ATP5PD: variants seen among roughly 807,000 people sequenced by gnomAD.
ATP5PD encodes ATP synthase peripheral stalk subunit d, mitochondrial.
Under a neutral mutation model 22.6 loss-of-function variants are expected in ATP5PD, and 13 were observed. The ratio of observed to expected loss-of-function variants is 0.58; its 90% CI spans 0.37 to 0.91. The LOEUF (loss-of-function observed/expected upper bound fraction) is 0.91. ATP5PD is among the 40% of genes least tolerant of loss of function. The pLI is 0.00. For missense variants in ATP5PD, 165 were observed against 188.0 expected (o/e 0.88, Z 0.72); for synonymous variants, 51 against 65.0 (o/e 0.79, Z 1.03).
chr17:75,042,993 G>A (rs893947399), intron 1 of ATP5PD, among the ~76,000 whole-genome samples: 1 of 152,140 alleles, frequency 6.6e-6, no homozygotes, highest in African/African-American at 2.4e-5. Flanking sequence ...AGGCCAAGAC[G>A]GTTGGATCAC....
rs893067183 is a variant in ATP5PD at position 75,043,919 on chromosome 17, TAC to T, written c.-9-1262_-9-1261del. 9.9e-5 allele frequency among the ~76,000 whole-genome samples: 15 copies of T among 152,190 alleles called. 1 individual carries two copies. In the Middle Eastern group the frequency reaches 0.014, roughly 139 times the overall value. On this transcript the variant is annotated intron_variant, in intron 1 of 5. Transcript: ENST00000301587. Reference sequence around the variant, plus strand: ...TGCACAGCAACTTGCTCCAGAGTTTTACAAACTTAAAAGGGCTATCCCCTTCC... The same window carrying T: ...TGCACAGCAACTTGCTCCAGAGTTTTAAACTTAAAAGGGCTATCCCCTTCC...
chr17:75,044,199 ATTTTT>A (rs755560156), intron 1 of ATP5PD, among the ~76,000 whole-genome samples: 2 of 94,694 alleles, frequency 2.1e-5, no homozygotes. Flanking sequence ...TAATTTTTGT[ATTTTT>A]TTTTTTTTTT....
chr17:75,045,949 T>C (rs973202640), intron 1 of ATP5PD, among the ~76,000 whole-genome samples: 1 of 152,208 alleles, frequency 6.6e-6, no homozygotes, highest in Non-Finnish European at 1.5e-5. Flanking sequence ...TACAAAAGTA[T>C]TAATTTGGGG....
In ATP5PD at chr17:75,040,249, CA is replaced by C; in HGVS notation, c.220-87del. The C allele has an allele frequency of 2.6e-6, 4 of 1,524,064 alleles. No homozygotes were observed. In the South Asian group the frequency reaches 4.5e-5, roughly 17 times the overall value. The allele number at this position is 1,524,064 out of a possible 1,614,324, so 94.4% of individuals were successfully genotyped here. A position where few individuals can be genotyped will look rare whatever the true frequency, so the allele number is the denominator to read the frequency against. ...GTCGTCGCCAATACACCCAGGAGCT[CA>C]AAGGGCTGGAAGCTACGAATCCTTA... On this transcript the variant is annotated intron_variant, in intron 3 of 5. Transcript: ENST00000301587.
chr17:75,045,385 G>A lies in ATP5PD; in HGVS notation c.-10+1540C>T, dbSNP rs181437394. On this transcript the variant is annotated intron_variant, in intron 1 of 5. Transcript: ENST00000301587. ...AGGAGACAGGGTTTTCAGATCAACC[G>A]GTCTGACCAAAATTTATTAGGTGGG... Among the ~76,000 whole-genome samples the A allele has an allele frequency of 3.7e-4, 57 of 152,254 alleles. 1 individual carries two copies. The highest frequency in any genetic ancestry group is 1.2e-3 in the African/African-American group (49 of 41,542).
chr17:75,041,477 T>G (rs1276429995), intron 3 of ATP5PD: 3 of 148,532 alleles, frequency 2.0e-5, no homozygotes, highest in Admixed American at 6.7e-5. Context: ...AACGAAAATT[T>G]ATCAGGTGTG....
At chr17:75,039,330 G>T in intron 4 of ATP5PD, 59 bp from the exon 5 acceptor site, 1 of 1,502,606 alleles carries the variant, frequency 6.7e-7, no homozygotes, top group Non-Finnish European at 9.2e-7. Context: ...CCCAGCAGCT[G>T]CTAAGGTAGG....
intron 4 of ATP5PD, 29 bp from the exon 5 acceptor site, chr17:75,039,300 G>A: frequency 6.2e-7 from 1 of 1,607,356 alleles, no homozygotes; most frequent in African/African-American, 1.3e-5. Context: ...ATTCAGTTCT[G>A]AAACCAGGCT....
intron 1 of ATP5PD, among the ~76,000 whole-genome samples, chr17:75,045,583 C>G (rs770720014): frequency 6.6e-6 from 1 of 152,210 alleles, no homozygotes; most frequent in Non-Finnish European, 1.5e-5. Flanking sequence ...AAGAATTCAG[C>G]GATATTTCTC....
chr17:75,039,104 A>G, intron 5 of ATP5PD, 41 bp from the exon 6 acceptor site: 3 of 1,612,580 alleles, frequency 1.9e-6, no homozygotes, highest in Non-Finnish European at 2.5e-6. Flanking sequence ...GTAAACAGAG[A>G]CGGAAAGCAG....
intron 3 of ATP5PD, 134 bp downstream of exon 3, chr17:75,042,047 C>G (rs2073166762): frequency 1.4e-6 from 1 of 702,866 alleles, no homozygotes; most frequent in Non-Finnish European, 2.4e-6. Flanking sequence ...GACCACAAGG[C>G]CTTTGGCCAT....
rs1423040676 is a variant in ATP5PD, at chr17:75,042,641, G to A, written c.10C>T (p.Arg4Ter). The part of the protein sequence containing the change: MAG[R>*]KLALKTIDWV... ...TCAATGGTTTTTAGAGCAAGTTTTC[G>A]CCCAGCCATTTTGGGATCCTGAAAA... Residue 4 changes from arginine (R) to a stop codon, truncating the protein, a stop_gained, in exon 2 of 6, where the codon CGA becomes TGA. Coordinates refer to ENST00000301587, the MANE Select transcript of ATP5PD (RefSeq NM_006356.3). LOFTEE classifies it high-confidence loss of function. 7 of 1,605,976 alleles carry A rather than the reference G, an allele frequency of 4.4e-6. No homozygotes were observed. Among genetic ancestry groups the A allele is most frequent in the East Asian group, 4.5e-5 (2 of 44,830 alleles).
chr17:75,040,438 T>G (rs1471916019), intron 3 of ATP5PD: 7 of 435,776 alleles, frequency 1.6e-5, no homozygotes, highest in Non-Finnish European at 2.5e-5. Flanking sequence ...AAGCTTCATT[T>G]TCTTCATCTG....
intron 3 of ATP5PD, chr17:75,041,933 AAAC>A: frequency 2.7e-6 from 1 of 375,988 alleles, no homozygotes. Flanking sequence ...GAGCAGGTCA[AAAC>A]TCCTGTGCTG....
chr17:75,040,122 A>G lies in ATP5PD; in HGVS notation c.261T>C (p.Thr87=). ...LKVPVPEDKY[T]AQVDAEEKED... is the part of the protein sequence containing the mutation. ...CTTTTTCTTCGGCATCCACCTGGGC[A>G]GTATATTTATCCTCTGGCACGGGAA... Residue 87 remains threonine, a synonymous_variant, in exon 4 of 6, where the codon ACT becomes ACC. Coordinates refer to ENST00000301587, the MANE Select transcript of ATP5PD (RefSeq NM_006356.3). The G allele has an allele frequency of 1.2e-6, 2 of 1,613,176 alleles. No homozygotes were observed. The highest frequency in any genetic ancestry group is 1.7e-6 in the Non-Finnish European group (2 of 1,180,016).
chr17:75,043,662 C>T (rs960647897), intron 1 of ATP5PD, among the ~76,000 whole-genome samples: 1 of 151,402 alleles, frequency 6.6e-6, no homozygotes, highest in Non-Finnish European at 1.5e-5. Context: ...CTCCATGTGC[C>T]TCTGGAAAAA....
rs557486463 is a variant in ATP5PD at position 75,039,145 on chromosome 17, G to A, written c.354+64C>T. 2.5e-6 allele frequency: 4 copies of A among 1,611,566 alleles called. No homozygotes were observed. In the Admixed American group the frequency reaches 5.0e-5, roughly 20 times the overall value. ...CCAAGGCAGGTTCCTGCCACCAGGT[G>A]AAAGATGTGTGGTCATGAAAGAGAG... is the stretch of plus-strand genomic sequence containing the variant. On this transcript the variant is annotated intron_variant, in intron 5 of 5. Transcript: ENST00000301587.
In ATP5PD at chr17:75,042,593, T is replaced by C. The variant is rs558986152; in HGVS notation, c.58A>G (p.Ile20Val). 78 of 1,613,240 alleles carry C rather than the reference T, an allele frequency of 4.8e-5. No individual in the cohort carries two copies. The East Asian group carries it at 6.9e-4, about 14-fold the overall frequency. The change falls in exon 2 of 6, where the codon ATA becomes GTA. Residue 20 changes from isoleucine (I) to valine (V), a missense_variant. Coordinates refer to ENST00000301587, the MANE Select transcript of ATP5PD (RefSeq NM_006356.3). Reference protein sequence around the residue: ...TIDWVAFAEIIPQNQKAIASS... With the variant: ...TIDWVAFAEIVPQNQKAIASS... ...GCAATGGCCTTTTGGTTCTGGGGTA[T>C]GATCTCTGCAAAAGCTACCCAGTCA...
At chr17:75,046,384 ATTTT>A (rs932125550) in intron 1 of ATP5PD, among the ~76,000 whole-genome samples, 1 of 152,076 alleles carries the variant, frequency 6.6e-6, no homozygotes, top group African/African-American at 2.4e-5. Context: ...GCCCGGCGAA[ATTTT>A]TTTTAATTCT....
Sources: allele counts gnomAD v4.1 joint callset (sites outside exome capture counted in the v4.1 genomes callset), GRCh38; gene constraint gnomAD v4.1.1; transcripts MANE v1.5; gene names NCBI Gene and HGNC (gene_info 2026-07-23, HGNC 2026-07-21).